The following KATNB1 variants were observed in gnomAD, a reference collection of about 807,000 sequenced individuals.
KATNB1 encodes the protein katanin regulatory subunit B1.
KATNB1 carries 38 observed loss-of-function variants against 82.3 expected under a neutral mutation model. The observed-to-expected ratio is 0.46, with a 90% CI of 0.36 to 0.61. The LOEUF (loss-of-function observed/expected upper bound fraction) is 0.61, where lower values mean the gene tolerates loss of function less well. KATNB1 is among the 20% of genes least tolerant of loss of function. KATNB1 has a pLI of 0.00. For synonymous variants in KATNB1, 361 were observed against 368.7 expected (o/e 0.98, Z 0.24); for missense variants, 749 against 915.7 (o/e 0.82, Z 2.35).
intron 4 of KATNB1, among the ~76,000 whole-genome samples, chr16:57,747,584 G>A (rs79419932): frequency 0.011 from 1,686 of 152,310 alleles, 29 homozygotes; most frequent in African/African-American, 0.038. Context: ...GTCTCGGCAC[G>A]TGATCGCACT....
At chr16:57,756,668 C>T (rs2049289428) in intron 19 of KATNB1, 146 bp from the exon 20 acceptor site, 1 of 1,358,382 alleles carries the variant, frequency 7.4e-7, no homozygotes, top group Admixed American at 2.9e-5. Context: ...TGCCCACAAT[C>T]CCTGGCAGGG....
chr16:57,752,672 C>G, intron 9 of KATNB1, 71 bp downstream of exon 9: 1 of 1,546,366 alleles, frequency 6.5e-7, no homozygotes, highest in Non-Finnish European at 8.7e-7. Flanking sequence ...GTGGGCCTTT[C>G]CCATCTCCGC....
At chr16:57,748,486 GGAGA>G (rs1183232833) in intron 4 of KATNB1, among the ~76,000 whole-genome samples, 4 of 148,664 alleles carry the variant, frequency 2.7e-5, no homozygotes, top group African/African-American at 7.6e-5. Context: ...AAAAAAAAAA[GGAGA>G]GAGAGAGAGC....
chr16:57,756,519 G>C (rs1555586684), intron 19 of KATNB1, 47 bp downstream of exon 19: 1 of 1,511,234 alleles, frequency 6.6e-7, no homozygotes, highest in South Asian at 1.1e-5. Flanking sequence ...CAACAGGTGA[G>C]GGGACAAAGG....
At chr16:57,756,234 G>A in intron 18 of KATNB1, 122 bp from the exon 19 acceptor site, 2 of 1,094,978 alleles carry the variant, frequency 1.8e-6, no homozygotes, top group South Asian at 2.7e-5. Context: ...ACAGGCGTGT[G>A]TGGGTGTATG....
rs145045705 is a variant in KATNB1 at position 57,748,626 on chromosome 16, C to T, written c.290-2201C>T. 4.0e-3 allele frequency among the ~76,000 whole-genome samples: 610 copies of T among 152,244 alleles called. 4 individuals are homozygous for T. Among genetic ancestry groups the T allele is most frequent in the African/African-American group, 0.014 (582 of 41,542 alleles). ...GGCAGACAGACCCCGGAAGCCCCTC[C>T]ACTCTGCAGTTCCTAGATCCCATGA... is the stretch of plus-strand genomic sequence containing the variant. On this transcript the variant is annotated intron_variant, in intron 4 of 19. Coordinates refer to ENST00000379661, the MANE Select transcript of KATNB1 (RefSeq NM_005886.3).
intron 3 of KATNB1, among the ~76,000 whole-genome samples, chr16:57,742,744 T>G (rs2049152038): frequency 6.6e-6 from 1 of 152,242 alleles, no homozygotes; most frequent in South Asian, 2.1e-4. Context: ...TTTCCGGCTT[T>G]TTTTGGCTCT....
chr16:57,747,311 C>T (rs1361505373), intron 4 of KATNB1, among the ~76,000 whole-genome samples: 1 of 152,220 alleles, frequency 6.6e-6, no homozygotes, highest in Non-Finnish European at 1.5e-5. Flanking sequence ...AAGAGAGCCC[C>T]TCTGGCCTGG....
At chr16:57,738,349 G>A (rs947264974) in intron 2 of KATNB1, among the ~76,000 whole-genome samples, 4 of 151,022 alleles carry the variant, frequency 2.6e-5, no homozygotes, top group Non-Finnish European at 5.9e-5. Context: ...TCTGCTTCCC[G>A]GGTTCATGCG....
At chr16:57,749,666 CATG>C (rs1456945787) in intron 4 of KATNB1, among the ~76,000 whole-genome samples, 12 of 152,192 alleles carry the variant, frequency 7.9e-5, no homozygotes, top group African/African-American at 2.7e-4. Flanking sequence ...AAGCAGGAAA[CATG>C]AGACAAATCT....
intron 13 of KATNB1, 22 bp from the exon 14 acceptor site, chr16:57,754,908 C>T: frequency 6.2e-7 from 1 of 1,613,734 alleles, no homozygotes; most frequent in Non-Finnish European, 8.5e-7. Context: ...CGGACCCAGT[C>T]ATCTTTTCCT....
Position 57,752,915 on chromosome 16 carries a change from G to A in KATNB1, c.842G>A (p.Cys281Tyr). 6.2e-7 allele frequency: 1 copy of A among 1,604,128 alleles called. No individual in the cohort carries two copies. The highest frequency in any genetic ancestry group is 8.5e-7 in the Non-Finnish European group (1 of 1,179,732). Reference protein sequence around the residue: ...NWGKVADLAICNDQLIGVAFS... With the variant: ...NWGKVADLAIYNDQLIGVAFS... ...GGCAAGGTGGCCGACCTGGCCATCT[G>A]CAATGACCAGTTGGTGAGAGAGCCA... Residue 281 changes from cysteine (C) to tyrosine (Y), a missense_variant, in exon 10 of 20, where the codon TGC (cysteine) becomes TAC (tyrosine). Physicochemically the swap from Cys to Tyr is radical, Grantham distance 194 (BLOSUM62 -2). Transcript: ENST00000379661.
At chr16:57,737,346 GC>G in intron 2 of KATNB1, 63 bp downstream of exon 2, 1 of 1,578,854 alleles carries the variant, frequency 6.3e-7, no homozygotes, top group Non-Finnish European at 8.7e-7. Context: ...TTGCTGGGAG[GC>G]CTGAACCCAC....
intron 17 of KATNB1, 21 bp downstream of exon 17, chr16:57,755,938 A>T: frequency 1.2e-6 from 2 of 1,602,266 alleles, no homozygotes; most frequent in Non-Finnish European, 1.7e-6. Context: ...GCAGAGGGGG[A>T]GTGGGCGGAG....
chr16:57,751,400 C>A lies in KATNB1; in HGVS notation c.432+98C>A. On this transcript the variant is annotated intron_variant, in intron 6 of 19. Transcript: ENST00000379661. The surrounding 1 kb of genome is among the most constrained non-coding windows in gnomAD (Gnocchi z 6.3). ...AGCAGGGGGTGGAGGGGACGGCTGT[C>A]CCACATGGGTGATAACATAAAACAT... 8.1e-7 allele frequency: 1 copy of A among 1,234,012 alleles called. No individual in the cohort carries two copies. Among genetic ancestry groups the A allele is most frequent in the Non-Finnish European group, 1.2e-6 (1 of 836,848 alleles). 76.4% of individuals were successfully genotyped at this position (1,234,012 alleles called of 1,614,324 possible). A position where few individuals can be genotyped will look rare whatever the true frequency, so the allele number is the denominator to read the frequency against.
Position 57,744,494 on chromosome 16 carries a change from A to G in KATNB1, c.272A>G (p.Asp91Gly), listed in dbSNP as rs782260700. 6.2e-7 allele frequency: 1 copy of G among 1,613,908 alleles called. No individual in the cohort carries two copies. The highest frequency in any genetic ancestry group is 8.5e-7 in the Non-Finnish European group (1 of 1,179,976). Residue 91 changes from aspartate to glycine, a missense_variant, in exon 4 of 20, where the codon GAC becomes GGC. This residue lies in a region of KATNB1 where 247 missense variants were observed against 349.4 expected (regional missense o/e 0.71). Coordinates refer to ENST00000379661, the MANE Select transcript of KATNB1 (RefSeq NM_005886.3). ...CAGTCGGGCTCCATCCGTGTCTGGG[A>G]CCTGGAAGCTGCCAAAAGTAGGCCT... ...GSQSGSIRVW[D>G]LEAAKILRTL...
rs782766591 is a variant in KATNB1, at chr16:57,755,171, C to T, written c.1349C>T (p.Ala450Val). 5 of 1,612,374 alleles carry T rather than the reference C, an allele frequency of 3.1e-6. No homozygotes were observed. In the East Asian group the frequency reaches 8.9e-5, roughly 29 times the overall value. The change falls in exon 15 of 20, where the codon GCT (alanine) becomes GTT (valine). Residue 450 changes from alanine to valine, a missense_variant. Transcript: ENST00000379661. ...GTTGCTTCCACACCTGCACCCAAGGCTGAGCCTGCCATCATCCCTGCCACC... is the reference window on the plus strand; with the variant it reads ...GTTGCTTCCACACCTGCACCCAAGGTTGAGCCTGCCATCATCCCTGCCACC... The part of the protein sequence containing the change: ...PVVASTPAPK[A>V]EPAIIPATRN...
In KATNB1 at chr16:57,753,966, G is replaced by C; in HGVS notation, c.1199G>C (p.Ser400Thr). 1 of 1,613,648 alleles carries C rather than the reference G, an allele frequency of 6.2e-7. No individual in the cohort carries two copies. Among genetic ancestry groups the C allele is most frequent in the Non-Finnish European group, 8.5e-7 (1 of 1,179,924 alleles). The change falls in exon 13 of 20, where the codon AGT (serine) becomes ACT (threonine). Residue 400 changes from serine (S) to threonine (T), a missense_variant. By Grantham distance (58) the Ser-to-Thr change is moderately conservative. Transcript: ENST00000379661. Reference protein sequence around the residue: ...NSISRTPPRRSEPFPAPPEDD... With the variant: ...NSISRTPPRRTEPFPAPPEDD... ...GCAGGTCGGACGCCACCCCGGAGAA[G>C]TGAGCCCTTCCCTGCACCCCCAGAG...
At chr16:57,736,914 C>G in intron 1 of KATNB1, 64 bp from the exon 2 acceptor site, 1 of 585,810 alleles carries the variant, frequency 1.7e-6, no homozygotes, top group South Asian at 1.5e-5. Flanking sequence ...TCTTGGTGAT[C>G]CAGGGAGCAA....
Sources: gnomAD v4.1 joint callset for allele counts (sites outside exome capture counted in the v4.1 genomes callset) on GRCh38, gnomAD v4.1.1 for gene constraint, gnomAD v4.1.1 regional missense constraint, Gnocchi (gnomAD v3.1) non-coding constraint, MANE v1.5 for transcripts, NCBI Gene and HGNC (gene_info 2026-07-23, HGNC 2026-07-21) for gene names.